The following TNFRSF1A variants were observed in gnomAD, a reference collection of about 807,000 sequenced individuals.
The protein encoded by TNFRSF1A is tumor necrosis factor receptor superfamily member 1A.
In TNFRSF1A, 9 loss-of-function variants were observed where a neutral mutation model predicts 41.6. That is an observed-to-expected ratio of 0.22 (90% CI 0.13 to 0.38). The LOEUF is 0.38. TNFRSF1A is among the 10% of genes least tolerant of loss of function. The pLI is 1.00. For synonymous variants in TNFRSF1A, 254 were observed against 248.6 expected, an observed-to-expected ratio of 1.02 and a Z score of -0.21; for missense variants, 463 against 591.5, an observed-to-expected ratio of 0.78 and a Z score of 2.25.
chr12:6,328,906 A>G lies in TNFRSF1A; in HGVS notation c.*406T>C, dbSNP rs1001674121. Reference sequence around the variant, plus strand: ...CCAGGCAGAGGGCACAGGAGTGCCAAGTTTCTATTAGTGTAACATGATTGA... The same window carrying G: ...CCAGGCAGAGGGCACAGGAGTGCCAGGTTTCTATTAGTGTAACATGATTGA... On this transcript the variant is annotated 3_prime_UTR_variant, in exon 10 of 10. Coordinates refer to ENST00000162749, the MANE Select transcript of TNFRSF1A (RefSeq NM_001065.4). 3 of 186,206 alleles carry G rather than the reference A, an allele frequency of 1.6e-5. No homozygotes were observed. The highest frequency in any genetic ancestry group is 6.2e-5 in the Admixed American group (1 of 16,176). The allele number at this position is 186,206 out of a possible 1,614,324, so 11.5% of individuals were successfully genotyped here. A position where few individuals can be genotyped will look rare whatever the true frequency, so the allele number is the denominator to read the frequency against.
chr12:6,335,474 C>T (rs1001385706), intron 1 of TNFRSF1A, among the ~76,000 whole-genome samples: 1 of 152,106 alleles, frequency 6.6e-6, no homozygotes, highest in Non-Finnish European at 1.5e-5. Flanking sequence ...CAGTCTCAGG[C>T]CAACCCCACA....
intron 1 of TNFRSF1A, among the ~76,000 whole-genome samples, chr12:6,335,966 C>T (rs1948115275): frequency 6.6e-6 from 1 of 152,232 alleles, no homozygotes; most frequent in African/African-American, 2.4e-5. Flanking sequence ...CCAGCCAACA[C>T]CGTGCCACCT....
In TNFRSF1A at chr12:6,329,581, G is replaced by T; in HGVS notation, c.1099C>A (p.Pro367Thr). Residue 367 changes from proline to threonine, a missense_variant, in exon 10 of 10, where the codon CCC (proline) becomes ACC (threonine). Pro to Thr is a conservative substitution (Grantham distance 38). Coordinates refer to ENST00000162749, the MANE Select transcript of TNFRSF1A (RefSeq NM_001065.4). ...ATLYAVVENV[P>T]PLRWKEFVRR... is the part of the protein sequence containing the mutation. Reference sequence around the variant, plus strand: ...ACGAATTCCTTCCAGCGCAACGGGGGCACGTTCTCCACCACGGCGTACAGC... The same window carrying T: ...ACGAATTCCTTCCAGCGCAACGGGGTCACGTTCTCCACCACGGCGTACAGC... The T allele has an allele frequency of 6.3e-7, 1 of 1,592,408 alleles. No individual in the cohort carries two copies.
rs535342237 is a variant in TNFRSF1A at position 6,341,602 on chromosome 12, G to A, written c.39+174C>T. 7.9e-5 allele frequency among the ~76,000 whole-genome samples: 12 copies of A among 152,352 alleles called. No individual in the cohort carries two copies. Among genetic ancestry groups the A allele is most frequent in the South Asian group, 4.1e-4 (2 of 4,830 alleles). On this transcript the variant is annotated intron_variant, in intron 1 of 9. Coordinates refer to ENST00000162749, the MANE Select transcript of TNFRSF1A (RefSeq NM_001065.4). The surrounding 1 kb of genome is among the most constrained non-coding windows in gnomAD (Gnocchi z 4.6). ...CAGCGCAGCCCCTACTCCAAAAGGC[G>A]GATGAATGGGGAACCCCACACTGGC...
At position 6,329,571 on chromosome 12, in the gene TNFRSF1A, C is replaced by T; in HGVS notation, c.1109G>A (p.Arg370His). ...TAGGCGCCGCACGAATTCCTTCCAG[C>T]GCAACGGGGGCACGTTCTCCACCAC... ...YAVVENVPPL[R>H]WKEFVRRLGL... The change falls in exon 10 of 10, where the codon CGC (arginine) becomes CAC (histidine). Residue 370 changes from arginine to histidine, a missense_variant. Around this residue, in one of 4 missense-constraint regions of TNFRSF1A, gnomAD observed 277 missense variants for 288.8 expected, o/e 0.96. Transcript: ENST00000162749. 6.3e-7 allele frequency: 1 copy of T among 1,592,238 alleles called. No individual in the cohort carries two copies.
In TNFRSF1A at chr12:6,329,850, G is replaced by A. The variant is rs770877229; in HGVS notation, c.985C>T (p.Leu329Phe). 2 of 1,601,834 alleles carry A rather than the reference G, an allele frequency of 1.2e-6. No individual in the cohort carries two copies. Among genetic ancestry groups the A allele is most frequent in the Non-Finnish European group, 1.7e-6 (2 of 1,174,820 alleles). Residue 329 changes from leucine (L) to phenylalanine (F), a missense_variant, in exon 9 of 10, where the codon CTC (leucine) becomes TTC (phenylalanine). Around this residue, in one of 4 missense-constraint regions of TNFRSF1A, gnomAD observed 277 missense variants for 288.8 expected, o/e 0.96. Transcript: ENST00000162749. ...QGADPILATA[L>F]ASDPIPNPLQ... ...GGGTTGGGGATGGGGTCGGAGGCGA[G>A]GGCTGTCGCAAGGATGGGGTCAGCC...
intron 6 of TNFRSF1A, 49 bp downstream of exon 6, chr12:6,330,804 G>C: frequency 6.3e-7 from 1 of 1,595,116 alleles, no homozygotes; most frequent in Non-Finnish European, 8.6e-7. Flanking sequence ...GTGGGGGCAA[G>C]AAGAGGGAGA....
Position 6,333,734 on chromosome 12 carries a change from C to A in TNFRSF1A, c.322+3G>T. On this transcript the variant is annotated splice_donor_region_variant and intron_variant, in intron 3 of 9. Coordinates refer to ENST00000162749, the MANE Select transcript of TNFRSF1A (RefSeq NM_001065.4). This position sits in a 1 kb window ranked among gnomAD's most constrained non-coding sequence, Gnocchi z 6.3. ...CCTGACTCTCCTGCCTGTGCACACT[C>A]ACCCTTTCGGCATTTGGAGCAGCTG... is the stretch of plus-strand genomic sequence containing the variant. 6.4e-7 allele frequency: 1 copy of A among 1,568,690 alleles called. No individual in the cohort carries two copies.
Position 6,341,854 on chromosome 12 carries a change from A to G in TNFRSF1A, c.-40T>C. The stretch of plus-strand genomic sequence containing the variant: ...GCCTCTCACTCCCCCATTTGGGCTC[A>G]GGGCAGTGTGGCAGCGGCAGTGCTG... On this transcript the variant is annotated 5_prime_UTR_variant, in exon 1 of 10. Coordinates refer to ENST00000162749, the MANE Select transcript of TNFRSF1A (RefSeq NM_001065.4). The surrounding 1 kb of genome is among the most constrained non-coding windows in gnomAD (Gnocchi z 4.6). The G allele has an allele frequency of 6.2e-7, 1 of 1,613,178 alleles. No homozygotes were observed. The highest frequency in any genetic ancestry group is 8.5e-7 in the Non-Finnish European group (1 of 1,179,324).
In TNFRSF1A at chr12:6,330,061, C is replaced by A. The variant is rs1233608513; in HGVS notation, c.774G>T (p.Glu258Asp). The A allele has an allele frequency of 6.2e-7, 1 of 1,612,996 alleles. No individual in the cohort carries two copies. Among genetic ancestry groups the A allele is most frequent in the Non-Finnish European group, 8.5e-7 (1 of 1,180,010 alleles). Residue 258 changes from glutamate to aspartate, a missense_variant, in exon 9 of 10, where the codon GAG becomes GAT. Around this residue, in one of 4 missense-constraint regions of TNFRSF1A, gnomAD observed 277 missense variants for 288.8 expected, o/e 0.96. Transcript: ENST00000162749. ...CGKSTPEKEG[E>D]LEGTTTKPLA... Reference sequence around the variant, plus strand: ...GGGGCTTAGTAGTAGTTCCTTCAAGCTCCCCCTGAAAGAGAGAAGGTGGCG... The same window carrying A: ...GGGGCTTAGTAGTAGTTCCTTCAAGATCCCCCTGAAAGAGAGAAGGTGGCG...
At position 6,329,162 on chromosome 12, in the gene TNFRSF1A, GA is replaced by G. The variant is rs1947989093; in HGVS notation, c.*149del. 1.4e-6 allele frequency: 1 copy of G among 734,378 alleles called. No individual in the cohort carries two copies. Among genetic ancestry groups the G allele is most frequent in the East Asian group, 3.0e-5 (1 of 32,922 alleles). The allele number at this position is 734,378 out of a possible 1,614,324, so 45.5% of individuals were successfully genotyped here. The stretch of plus-strand genomic sequence containing the variant: ...GACTGTCGGCGGCGCGCAGGCAGCT[GA>G]GAAAAGCTATGTACATCGAGGGGTT... On this transcript the variant is annotated 3_prime_UTR_variant, in exon 10 of 10. Transcript: ENST00000162749.
chr12:6,332,275 A>G (rs1421138884), intron 5 of TNFRSF1A, among the ~76,000 whole-genome samples: 1 of 151,852 alleles, frequency 6.6e-6, no homozygotes, highest in East Asian at 1.9e-4. Context: ...CCCTGTCTCT[A>G]CAAAAAGTAA....
Position 6,329,177 on chromosome 12 carries a change from C to A in TNFRSF1A, c.*135G>T, listed in dbSNP as rs200105751. On this transcript the variant is annotated 3_prime_UTR_variant, in exon 10 of 10. Coordinates refer to ENST00000162749, the MANE Select transcript of TNFRSF1A (RefSeq NM_001065.4). ...GCAGGCAGCTGAGAAAAGCTATGTACATCGAGGGGTTAGCACCAAGTAGGC... is the reference window on the plus strand; with the variant it reads ...GCAGGCAGCTGAGAAAAGCTATGTAAATCGAGGGGTTAGCACCAAGTAGGC... 14 of 842,452 alleles carry A rather than the reference C, an allele frequency of 1.7e-5. No individual in the cohort carries two copies. In the South Asian group the frequency reaches 3.7e-4, roughly 22 times the overall value. 52.2% of individuals were successfully genotyped at this position (842,452 alleles called of 1,614,324 possible). A position where few individuals can be genotyped will look rare whatever the true frequency, so the allele number is the denominator to read the frequency against.
Position 6,332,433 on chromosome 12 carries a change from CA to C in TNFRSF1A, c.551+635del, listed in dbSNP as rs34324660. On this transcript the variant is annotated intron_variant, in intron 5 of 9. Transcript: ENST00000162749. ...TGGGTGACAGAGTGAAACCCTGTCT[CA>C]AAAAAAAAAAAAAAAAAAAAACACC... is the stretch of plus-strand genomic sequence containing the variant. 5.0e-3 allele frequency among the ~76,000 whole-genome samples: 198 copies of C among 39,736 alleles called. 1 individual carries two copies. The highest frequency in any genetic ancestry group is 8.1e-3 in the East Asian group (14 of 1,730). 26.1% of individuals were successfully genotyped at this position (39,736 alleles called of 152,430 possible).
intron 7 of TNFRSF1A, 110 bp downstream of exon 7, chr12:6,330,488 G>T (rs765580994): frequency 2.0e-6 from 2 of 1,017,848 alleles, no homozygotes; most frequent in Non-Finnish European, 3.1e-6. Context: ...GTCCCCAGCG[G>T]TATGAACTGA....
intron 1 of TNFRSF1A, among the ~76,000 whole-genome samples, chr12:6,339,850 C>A (rs1449544433): frequency 6.6e-6 from 1 of 150,416 alleles, no homozygotes; most frequent in Non-Finnish European, 1.5e-5. Flanking sequence ...CTCACACACA[C>A]ACACACACAC....
Position 6,329,342 on chromosome 12 carries a change from G to C in TNFRSF1A, c.1338C>G (p.Ala446=). 1 of 1,478,956 alleles carries C rather than the reference G, an allele frequency of 6.8e-7. No individual in the cohort carries two copies. Among genetic ancestry groups the C allele is most frequent in the Non-Finnish European group, 8.9e-7 (1 of 1,124,176 alleles). 91.6% of individuals were successfully genotyped at this position (1,478,956 alleles called of 1,614,324 possible). The stretch of plus-strand genomic sequence containing the variant: ...TGAGAAGACTGGGCGCGGGCGGGAG[G>C]GCGGCGGGGCCGCAAAGCGCCTCCT... ...DIEEALCGPA[A]LPPAPSLLR is the part of the protein sequence containing the mutation. Residue 446 remains alanine, a synonymous_variant, in exon 10 of 10, where the codon GCC becomes GCG. Coordinates refer to ENST00000162749, the MANE Select transcript of TNFRSF1A (RefSeq NM_001065.4).
rs876661181 is a variant in TNFRSF1A, at chr12:6,329,446, G to C, written c.1234C>G (p.Pro412Ala). Residue 412 changes from proline (P) to alanine (A), a missense_variant, in exon 10 of 10, where the codon CCG becomes GCG. Physicochemically the swap from Pro to Ala is conservative, Grantham distance 27 (BLOSUM62 -1). This residue lies in a region of TNFRSF1A where 277 missense variants were observed against 288.8 expected (regional missense o/e 0.96). Transcript: ENST00000162749. ...AGCTCCAGCGTGGCCTCGCGCCGCG[G>C]CGTGCGCCGCCTCCAGGTCGCCAGC... ...SMLATWRRRT[P>A]RREATLELLG... The C allele has an allele frequency of 6.3e-7, 1 of 1,587,752 alleles. No homozygotes were observed. Among genetic ancestry groups the C allele is most frequent in the Non-Finnish European group, 8.5e-7 (1 of 1,173,984 alleles).
Position 6,329,050 on chromosome 12 carries a change from G to T in TNFRSF1A, c.*262C>A, listed in dbSNP as rs1592042505. Reference sequence around the variant, plus strand: ...TTGCTGGTGAGGACACCCAAAACGGGCATGAGGCATAGCGTCCCTCATCCT... The same window carrying T: ...TTGCTGGTGAGGACACCCAAAACGGTCATGAGGCATAGCGTCCCTCATCCT... On this transcript the variant is annotated 3_prime_UTR_variant, in exon 10 of 10. Coordinates refer to ENST00000162749, the MANE Select transcript of TNFRSF1A (RefSeq NM_001065.4). 2.5e-5 allele frequency: 10 copies of T among 401,098 alleles called. No individual in the cohort carries two copies. The East Asian group carries it at 3.6e-4, about 15-fold the overall frequency. 24.8% of individuals were successfully genotyped at this position (401,098 alleles called of 1,614,324 possible).
Sources: allele counts gnomAD v4.1 joint callset (sites outside exome capture counted in the v4.1 genomes callset), GRCh38; gene constraint gnomAD v4.1.1; regional missense constraint gnomAD v4.1.1; non-coding constraint Gnocchi (gnomAD v3.1); transcripts MANE v1.5; gene names NCBI Gene and HGNC (gene_info 2026-07-23, HGNC 2026-07-21).